Variants in CCDC30 observed in about 807,000 individuals in gnomAD.
CCDC30 encodes the protein coiled-coil domain-containing protein 30.
CCDC30 carries 70 observed loss-of-function variants against 100.2 expected under a neutral mutation model. The observed-to-expected ratio is 0.70, with a 90% confidence interval of 0.58 to 0.85. The LOEUF is 0.85. Among genes scored for constraint, CCDC30 ranks in the 40% least tolerant of loss-of-function variants. CCDC30 has a pLI of 0.00. For synonymous variants in CCDC30, 233 were observed against 269.5 expected (o/e 0.86, Z 1.33); for missense variants, 652 against 771.2 (o/e 0.85, Z 1.83).
intron 6 of CCDC30, among the ~76,000 whole-genome samples, chr1:42,559,190 C>T (rs1193216668): frequency 1.3e-5 from 2 of 152,098 alleles, no homozygotes; most frequent in Admixed American, 1.3e-4. Context: ...TGCAAAAACA[C>T]ACCAAAATAT....
chr1:42,473,935 C>A (rs942090668), intron 1 of CCDC30, among the ~76,000 whole-genome samples: 2 of 151,968 alleles, frequency 1.3e-5, no homozygotes, highest in Admixed American at 6.6e-5. Flanking sequence ...ATCCTAGGAC[C>A]AGGCACCTAG....
chr1:42,605,809 A>G (rs1306489112), intron 10 of CCDC30, among the ~76,000 whole-genome samples: 4 of 152,156 alleles, frequency 2.6e-5, no homozygotes, highest in African/African-American at 9.7e-5. Flanking sequence ...TAGATGTTCA[A>G]ATTAACACAT....
At chr1:42,461,481 G>A (rs1424748426), upstream of CCDC30, among the ~76,000 whole-genome samples, 1 of 151,760 alleles carries the variant, frequency 6.6e-6, no homozygotes, top group African/African-American at 2.4e-5. Context: ...GACTACAGGT[G>A]TGTGCCACCA....
intron 12 of CCDC30, among the ~76,000 whole-genome samples, chr1:42,639,986 C>A (rs1040337488): frequency 8.8e-5 from 13 of 148,210 alleles, no homozygotes; most frequent in Admixed American, 3.4e-4. Flanking sequence ...AAAAAAAAAT[C>A]TTAGAAGAAT....
intron 6 of CCDC30, among the ~76,000 whole-genome samples, chr1:42,506,652 C>T (rs1026104464): frequency 2.0e-5 from 3 of 152,094 alleles, no homozygotes; most frequent in African/African-American, 7.2e-5. Flanking sequence ...GTCAAATAAT[C>T]CTGTTTACCT....
chr1:42,475,486 G>A (rs1643872497), intron 1 of CCDC30, among the ~76,000 whole-genome samples: 1 of 152,058 alleles, frequency 6.6e-6, no homozygotes, highest in Non-Finnish European at 1.5e-5. Flanking sequence ...CTCAAACAGA[G>A]TTGTTTTTCC....
exon 3 of CCDC30, chr1:42,482,682 A>G (rs1643981910): frequency 8.1e-7 from 1 of 1,233,674 alleles, no homozygotes; most frequent in African/African-American, 1.6e-5. Context: ...GAAGACCTGG[A>G]AAAAGACAAA....
chr1:42,491,970 G>A, intron 4 of CCDC30: 1 of 889,464 alleles, frequency 1.1e-6, no homozygotes, highest in Non-Finnish European at 1.7e-6. Context: ...GCAGAATGAT[G>A]AAGTTGCATT....
At chr1:42,470,331 G>C (rs1028661861) in intron 1 of CCDC30, among the ~76,000 whole-genome samples, 1 of 152,014 alleles carries the variant, frequency 6.6e-6, no homozygotes, top group Non-Finnish European at 1.5e-5. Flanking sequence ...TGTTGACAAG[G>C]ATGTGAAGAT....
intron 6 of CCDC30, among the ~76,000 whole-genome samples, chr1:42,527,090 G>A (rs1053429526): frequency 4.6e-5 from 7 of 152,146 alleles, no homozygotes; most frequent in African/African-American, 1.7e-4. Context: ...GACCAGGAAG[G>A]TAACCTGAAA....
chr1:42,598,498 C>T (rs1646337733), intron 10 of CCDC30, among the ~76,000 whole-genome samples: 1 of 151,312 alleles, frequency 6.6e-6, no homozygotes, highest in Admixed American at 6.6e-5. Flanking sequence ...TGAGCTGATG[C>T]AATAAGAAAG....
chr1:42,544,270 A>T (rs1396355962), intron 6 of CCDC30, among the ~76,000 whole-genome samples: 1 of 152,226 alleles, frequency 6.6e-6, no homozygotes, highest in Admixed American at 6.5e-5. Context: ...TTATATGAAG[A>T]TATAGAGTAA....
At chr1:42,637,094 T>C in intron 11 of CCDC30, 143 bp from the exon 16 acceptor site, 2 of 621,700 alleles carry the variant, frequency 3.2e-6, no homozygotes, top group Non-Finnish European at 5.5e-6. Flanking sequence ...GGCAAGAAGA[T>C]GTGAGGCAGG....
chr1:42,517,292 A>G (rs962983407), intron 6 of CCDC30, among the ~76,000 whole-genome samples: 6 of 152,220 alleles, frequency 3.9e-5, no homozygotes, highest in African/African-American at 1.4e-4. Context: ...TGTGTTGCCC[A>G]GGCTGGTCTC....
intron 11 of CCDC30, among the ~76,000 whole-genome samples, chr1:42,636,262 T>C (rs961239341): frequency 6.6e-6 from 1 of 151,816 alleles, no homozygotes; most frequent in Non-Finnish European, 1.5e-5. Context: ...TACAAAAAAT[T>C]AAAAAAATTA....
At chr1:42,539,604 ATATT>A (rs1009715489) in intron 6 of CCDC30, among the ~76,000 whole-genome samples, 80 of 152,316 alleles carry the variant, frequency 5.3e-4, no homozygotes, top group African/African-American at 1.5e-3. Context: ...ATAATGTAAA[ATATT>A]TATTTAAATG....
chr1:42,602,166 G>A (rs1646416183), intron 10 of CCDC30, among the ~76,000 whole-genome samples: 1 of 151,518 alleles, frequency 6.6e-6, no homozygotes, highest in Non-Finnish European at 1.5e-5. Context: ...TCTAAGCTTT[G>A]GCCTTAGAAA....
intron 10 of CCDC30, among the ~76,000 whole-genome samples, chr1:42,609,112 T>C (rs1570236694): frequency 6.6e-6 from 1 of 152,100 alleles, no homozygotes; most frequent in African/African-American, 2.4e-5. Context: ...TTTCCTGCCT[T>C]CCCTTCCACC....
exon 4 of CCDC30, chr1:42,490,184 G>A (rs1644115433): frequency 8.3e-7 from 1 of 1,207,792 alleles, no homozygotes; most frequent in Non-Finnish European, 1.0e-6. Flanking sequence ...GGCTCAACTA[G>A]AAATTGACAA....
Sources: allele counts gnomAD v4.1 joint callset (sites outside exome capture counted in the v4.1 genomes callset), GRCh38; gene constraint gnomAD v4.1.1; transcripts MANE v1.5; gene names NCBI Gene and HGNC (gene_info 2026-07-23, HGNC 2026-07-21).